SIPA1L3: variants seen among roughly 807,000 people sequenced by gnomAD.
SIPA1L3 encodes signal-induced proliferation-associated 1-like protein 3.
In SIPA1L3, 59 loss-of-function variants were observed where a neutral mutation model predicts 150.1. The observed-to-expected ratio is 0.39, with a 90% CI of 0.32 to 0.49. The LOEUF (loss-of-function observed/expected upper bound fraction) is 0.49. SIPA1L3 is among the 20% of genes least tolerant of loss of function. The pLI is 0.86. For synonymous variants in SIPA1L3, 1,070 were observed against 1,077.6 expected, an observed-to-expected ratio of 0.99 and a Z score of 0.14; for missense variants, 2,211 against 2,489.5, an observed-to-expected ratio of 0.89 and a Z score of 2.38.
chr19:37,983,788 C>T (rs150128763), intron 1 of SIPA1L3, among the ~76,000 whole-genome samples: 5 of 151,600 alleles, frequency 3.3e-5, no homozygotes, highest in South Asian at 2.1e-4. Flanking sequence ...CATCTGAGGT[C>T]TCAGCTACTC....
In SIPA1L3 at chr19:37,961,225, G is replaced by T. The variant is rs1568480487; in HGVS notation, c.-379+53867G>T. On this transcript the variant is annotated intron_variant, in intron 1 of 21. Transcript: ENST00000222345. ...TTAGTGATGGGGATCTCGCTGTGTT[G>T]CCCAGGCTGGTCTCAAACTCCTGGC... is the stretch of plus-strand genomic sequence containing the variant. Among the ~76,000 whole-genome samples the T allele has an allele frequency of 2.0e-5, 3 of 148,780 alleles. No homozygotes were observed. In the Admixed American group the frequency reaches 2.0e-4, roughly 10 times the overall value.
At chr19:38,204,484 G>T (rs1184039530) in intron 21 of SIPA1L3, among the ~76,000 whole-genome samples, 1 of 152,234 alleles carries the variant, frequency 6.6e-6, no homozygotes, top group African/African-American at 2.4e-5. Context: ...AAAAACTGTG[G>T]CTGGGCGCGG....
At chr19:38,075,002 G>T (rs568695193) in intron 2 of SIPA1L3, among the ~76,000 whole-genome samples, 1 of 152,250 alleles carries the variant, frequency 6.6e-6, no homozygotes, top group African/African-American at 2.4e-5. Flanking sequence ...CCAAAGTACG[G>T]GTATTACAGG....
intron 1 of SIPA1L3, among the ~76,000 whole-genome samples, chr19:38,000,079 T>G (rs1468221312): frequency 6.6e-6 from 1 of 152,198 alleles, no homozygotes; most frequent in Non-Finnish European, 1.5e-5. Flanking sequence ...TTTAAGTGTT[T>G]GAAACTGCCT....
At chr19:38,117,970 T>C (rs1367299315) in intron 8 of SIPA1L3, among the ~76,000 whole-genome samples, 1 of 152,110 alleles carries the variant, frequency 6.6e-6, no homozygotes, top group Non-Finnish European at 1.5e-5. Context: ...CTTTACGCTC[T>C]CCTGAGTTGC....
chr19:38,201,729 T>A (rs1973091258), intron 19 of SIPA1L3, 133 bp from the exon 20 acceptor site: 1 of 951,598 alleles, frequency 1.1e-6, no homozygotes, highest in Middle Eastern at 3.4e-4. Context: ...AGAATCTATC[T>A]AAGTGCCGAT....
At chr19:38,122,050 A>T (rs561601570) in intron 9 of SIPA1L3, among the ~76,000 whole-genome samples, 2 of 150,974 alleles carry the variant, frequency 1.3e-5, no homozygotes, top group African/African-American at 4.9e-5. Flanking sequence ...GTAAAACCTC[A>T]TCTCTACTAA....
rs1458369040 is a variant in SIPA1L3 at position 38,187,519 on chromosome 19, C to T, written c.4431-4626C>T. Among the ~76,000 whole-genome samples, 3 of 151,222 alleles carry T rather than the reference C, an allele frequency of 2.0e-5. No individual in the cohort carries two copies. The East Asian group carries it at 5.8e-4, about 29-fold the overall frequency. The stretch of plus-strand genomic sequence containing the variant: ...GATCACGAGGTCAGGAGATCGAGTC[C>T]ATCCTGGCTAACACGGTGAAACCCC... On this transcript the variant is annotated intron_variant, in intron 16 of 21. Transcript: ENST00000222345.
intron 12 of SIPA1L3, among the ~76,000 whole-genome samples, chr19:38,149,156 C>G (rs182689210): frequency 4.5e-4 from 69 of 152,204 alleles, no homozygotes; most frequent in African/African-American, 1.6e-3. Flanking sequence ...TTTGGGAGGC[C>G]GAGGTGGGCA....
chr19:38,143,516 C>T (rs1479646138), intron 12 of SIPA1L3, among the ~76,000 whole-genome samples: 1 of 149,496 alleles, frequency 6.7e-6, no homozygotes, highest in African/African-American at 2.5e-5. Context: ...ACTCAACACT[C>T]AACAGCCAGA....
rs369594636 is a variant in SIPA1L3, at chr19:38,038,548, G to A, written c.-311+9392G>A. ...AGAGGTTGCAGTGAGCCAAGATCAC[G>A]TCACTGCACTGTAGCCTGGGTGACA... On this transcript the variant is annotated intron_variant, in intron 2 of 21. Coordinates refer to ENST00000222345, the MANE Select transcript of SIPA1L3 (RefSeq NM_015073.3). Among the ~76,000 whole-genome samples, 5 of 141,690 alleles carry A rather than the reference G, an allele frequency of 3.5e-5. No homozygotes were observed. The South Asian group carries it at 8.7e-4, about 25-fold the overall frequency. 93.0% of individuals were successfully genotyped at this position (141,690 alleles called of 152,430 possible). A position where few individuals can be genotyped will look rare whatever the true frequency, so the allele number is the denominator to read the frequency against.
chr19:37,957,757 G>T (rs964200906), intron 1 of SIPA1L3, among the ~76,000 whole-genome samples: 4 of 151,940 alleles, frequency 2.6e-5, no homozygotes, highest in African/African-American at 9.7e-5. Flanking sequence ...CTGTTGCCCA[G>T]GCTGGTGTAC....
intron 1 of SIPA1L3, among the ~76,000 whole-genome samples, chr19:37,931,845 C>G (rs1171752818): frequency 6.6e-6 from 1 of 152,178 alleles, no homozygotes; most frequent in Non-Finnish European, 1.5e-5. Context: ...CCAGCACTTT[C>G]TTCCTGTGTG....
intron 2 of SIPA1L3, among the ~76,000 whole-genome samples, chr19:38,076,230 T>C (rs969540134): frequency 3.9e-5 from 6 of 152,154 alleles, no homozygotes; most frequent in South Asian, 2.1e-4. Flanking sequence ...TATATGTACA[T>C]TAGTCTATTT....
chr19:37,995,711 G>A (rs1337567454), intron 1 of SIPA1L3, among the ~76,000 whole-genome samples: 1 of 152,188 alleles, frequency 6.6e-6, no homozygotes, highest in Non-Finnish European at 1.5e-5. Context: ...TGTATGCTGG[G>A]TGGGTTAAGG....
chr19:37,962,206 C>T (rs569743445), intron 1 of SIPA1L3, among the ~76,000 whole-genome samples: 9 of 146,160 alleles, frequency 6.2e-5, no homozygotes, highest in East Asian at 4.2e-4. Flanking sequence ...TGCAGTGGCA[C>T]GATTTTGGCT....
At chr19:38,128,218 C>T (rs1398082231) in intron 9 of SIPA1L3, among the ~76,000 whole-genome samples, 1 of 151,978 alleles carries the variant, frequency 6.6e-6, no homozygotes, top group Non-Finnish European at 1.5e-5. Flanking sequence ...CCACGTCAGG[C>T]CTCTTTTATA....
intron 1 of SIPA1L3, among the ~76,000 whole-genome samples, chr19:37,959,137 A>G (rs1351955550): frequency 6.6e-6 from 1 of 152,252 alleles, no homozygotes; most frequent in African/African-American, 2.4e-5. Flanking sequence ...AAAAAAATAT[A>G]TACATAGAGT....
intron 1 of SIPA1L3, among the ~76,000 whole-genome samples, chr19:37,996,293 A>G (rs1967637595): frequency 1.3e-5 from 2 of 152,130 alleles, no homozygotes; most frequent in South Asian, 4.1e-4. Context: ...TGGTTCAATC[A>G]GAGCTCACTG....
Sources: gnomAD v4.1 joint callset for allele counts (sites outside exome capture counted in the v4.1 genomes callset) on GRCh38, gnomAD v4.1.1 for gene constraint, MANE v1.5 for transcripts, NCBI Gene and HGNC (gene_info 2026-07-23, HGNC 2026-07-21) for gene names.